Variants in NIN observed in about 807,000 individuals in gnomAD.
NIN encodes the protein ninein, also known as glycogen synthase kinase 3 beta-interacting protein.
NIN carries 137 observed loss-of-function variants against 257.6 expected under a neutral mutation model. That is an observed-to-expected ratio of 0.53 (90% CI 0.46 to 0.61). The LOEUF is 0.61. Among genes scored for constraint, NIN ranks in the 20% least tolerant of loss-of-function variants. NIN has a pLI of 0.00. For synonymous variants in NIN, 918 were observed against 919.8 expected, an observed-to-expected ratio of 1.00 and a Z score of 0.04; for missense variants, 2,439 against 2,501.2, an observed-to-expected ratio of 0.98 and a Z score of 0.53.
At chr14:50,811,956 C>A (rs1277442025) in intron 3 of NIN, among the ~76,000 whole-genome samples, 3 of 140,454 alleles carry the variant, frequency 2.1e-5, no homozygotes. Flanking sequence ...ACTCCGTCTC[C>A]AAAAAAAAAA....
At chr14:50,748,251 T>C in intron 21 of NIN, 146 bp from the exon 22 acceptor site, 1 of 568,776 alleles carries the variant, frequency 1.8e-6, no homozygotes, top group East Asian at 2.8e-5. Flanking sequence ...TAAAAGACTT[T>C]CCACTTAAAT....
intron 4 of NIN, among the ~76,000 whole-genome samples, chr14:50,795,873 G>T (rs2043816108): frequency 6.6e-6 from 1 of 152,160 alleles, no homozygotes; most frequent in African/African-American, 2.4e-5. Flanking sequence ...CAGAAACTTG[G>T]GAGGCTGAGG....
intron 3 of NIN, among the ~76,000 whole-genome samples, chr14:50,809,204 A>G (rs2044470080): frequency 6.6e-6 from 1 of 152,106 alleles, no homozygotes; most frequent in Admixed American, 6.5e-5. Flanking sequence ...CTGGGTGACA[A>G]GAGCAAAACT....
At chr14:50,766,649 A>G in intron 13 of NIN, 131 bp downstream of exon 13, 1 of 679,702 alleles carries the variant, frequency 1.5e-6, no homozygotes, top group South Asian at 1.8e-5. Flanking sequence ...TATCCCTACA[A>G]AAGTTAGAGC....
intron 14 of NIN, among the ~76,000 whole-genome samples, chr14:50,764,708 G>A (rs925769440): frequency 1.3e-5 from 2 of 151,922 alleles, no homozygotes; most frequent in African/African-American, 2.4e-5. Flanking sequence ...GAAGGAAGCC[G>A]GTCTCAAGGG....
intron 23 of NIN, 145 bp downstream of exon 23, chr14:50,744,098 T>G: frequency 1.3e-6 from 1 of 769,126 alleles, no homozygotes; most frequent in African/African-American, 1.7e-5. Context: ...AAGTCTGGGG[T>G]CACAGAATGC....
chr14:50,752,485 C>G, intron 21 of NIN, 33 bp downstream of exon 21: 2 of 1,513,804 alleles, frequency 1.3e-6, no homozygotes, highest in Non-Finnish European at 9.1e-7. Context: ...GGGATTTCCT[C>G]AAAAAAAGCT....
In NIN at chr14:50,758,531, C is replaced by T; in HGVS notation, c.2499G>A (p.Leu833=). ...QKVTERCESA[L]QSLEGRYRQE... is the part of the protein sequence containing the mutation. The stretch of plus-strand genomic sequence containing the variant: ...GGCGGTAGCGCCCCTCCAGGCTTTG[C>T]AGAGCGCTTTCACACCTCTCAGTGA... Residue 833 remains leucine, a synonymous_variant, in exon 18 of 31, where the codon CTG becomes CTA. Coordinates refer to ENST00000530997, the MANE Select transcript of NIN (RefSeq NM_020921.4). 6.2e-7 allele frequency: 1 copy of T among 1,614,152 alleles called. No homozygotes were observed. Among genetic ancestry groups the T allele is most frequent in the Non-Finnish European group, 8.5e-7 (1 of 1,180,008 alleles).
chr14:50,741,224 A>T (rs1372388662), intron 25 of NIN, among the ~76,000 whole-genome samples: 3 of 152,156 alleles, frequency 2.0e-5, no homozygotes, highest in Non-Finnish European at 4.4e-5. Context: ...TAGTTTTGTT[A>T]TTACAAAACT....
rs199691052 is a variant in NIN, at chr14:50,738,267, T to C, written c.5648A>G (p.Asn1883Ser). ...ATGTTTTTGGTGCTTGGGAAGAAGA[T>C]TGGATTCCAACTGACGGACCTAACA... is the stretch of plus-strand genomic sequence containing the variant. ...SREKVRQLES[N>S]LLPKHQKHLN... Residue 1883 changes from asparagine to serine, a missense_variant, in exon 27 of 31, where the codon AAT becomes AGT. By Grantham distance (46) the Asn-to-Ser change is conservative (BLOSUM62 1). Around this residue, in one of 3 missense-constraint regions of NIN, gnomAD observed 2,043 missense variants for 2,050.2 expected, o/e 1.00. Coordinates refer to ENST00000530997, the MANE Select transcript of NIN (RefSeq NM_020921.4). 178 of 1,613,826 alleles carry C rather than the reference T, an allele frequency of 1.1e-4. No individual in the cohort carries two copies. The highest frequency in any genetic ancestry group is 6.7e-4 in the Admixed American group (40 of 59,958).
intron 3 of NIN, among the ~76,000 whole-genome samples, chr14:50,813,320 C>T (rs753621791): frequency 2.6e-5 from 4 of 152,206 alleles, no homozygotes; most frequent in African/African-American, 4.8e-5. Context: ...TGGTTGGTAC[C>T]TCTTCATTTG....
At chr14:50,761,445 G>C (rs2042271731) in intron 16 of NIN, among the ~76,000 whole-genome samples, 1 of 152,208 alleles carries the variant, frequency 6.6e-6, no homozygotes, top group East Asian at 1.9e-4. Context: ...ATGGTGAAGA[G>C]TTTAGAGGCC....
chr14:50,743,328 T>C (rs1189357504), intron 24 of NIN, 88 bp downstream of exon 24: 3 of 860,772 alleles, frequency 3.5e-6, no homozygotes, highest in Non-Finnish European at 5.9e-6. Context: ...ACGCTACTTC[T>C]ACCTGGAACA....
At chr14:50,824,511 T>C (rs1003868461) in intron 2 of NIN, among the ~76,000 whole-genome samples, 2 of 152,236 alleles carry the variant, frequency 1.3e-5, no homozygotes, top group Non-Finnish European at 2.9e-5. Context: ...TCAGTGCTCA[T>C]CTGGCACAGA....
intron 30 of NIN, 84 bp downstream of exon 30, chr14:50,725,869 G>A (rs1365857353): frequency 6.8e-6 from 11 of 1,607,444 alleles, no homozygotes; most frequent in South Asian, 1.1e-5. Context: ...ATAAGTTAAC[G>A]AGTTAATGGC....
At position 50,747,748 on chromosome 14, in the gene NIN, A is replaced by AT. The variant is rs1407073371; in HGVS notation, c.5064+243_5064+244insA. Among the ~76,000 whole-genome samples the AT allele has an allele frequency of 4.5e-4, 56 of 123,742 alleles. 1 individual carries two copies. Among genetic ancestry groups the AT allele is most frequent in the Non-Finnish European group, 7.4e-5 (4 of 54,326 alleles). 81.2% of individuals were successfully genotyped at this position (123,742 alleles called of 152,430 possible). On this transcript the variant is annotated intron_variant, in intron 22 of 30. Transcript: ENST00000530997. ...AGAAGGAAACTGTCTTAAAAAAAAA[A>AT]AAGGGGGGGATTTTAGAGTGTACAA...
At position 50,806,532 on chromosome 14, in the gene NIN, G is replaced by A. The variant is rs1232462969; in HGVS notation, c.265+205C>T. ...CCAATTATTTTCTCCATAATACTAT[G>A]CTGCTGTAGTAGAGAAGTCTCATTT... On this transcript the variant is annotated intron_variant, in intron 4 of 30. Coordinates refer to ENST00000530997, the MANE Select transcript of NIN (RefSeq NM_020921.4). 4 of 398,998 alleles carry A rather than the reference G, an allele frequency of 1.0e-5. No individual in the cohort carries two copies. The African/African-American group carries it at 1.0e-4, about 10-fold the overall frequency. 24.7% of individuals were successfully genotyped at this position (398,998 alleles called of 1,614,324 possible).
At chr14:50,772,113 C>A in intron 9 of NIN, 188 bp downstream of exon 9, 1 of 502,206 alleles carries the variant, frequency 2.0e-6, no homozygotes, top group Non-Finnish European at 3.6e-6. Context: ...GTTAAAAACA[C>A]GGAAAGTACT....
chr14:50,755,391 TGAA>T (rs2041974040), intron 18 of NIN, among the ~76,000 whole-genome samples: 1 of 152,136 alleles, frequency 6.6e-6, no homozygotes, highest in Admixed American at 6.5e-5. Flanking sequence ...AAAAATGGTC[TGAA>T]GAAGAGGAAA....
Sources: gnomAD v4.1 joint callset for allele counts (sites outside exome capture counted in the v4.1 genomes callset) on GRCh38, gnomAD v4.1.1 for gene constraint, gnomAD v4.1.1 regional missense constraint, MANE v1.5 for transcripts, NCBI Gene and HGNC (gene_info 2026-07-23, HGNC 2026-07-21) for gene names.